Variants in KCNN3 observed in about 807,000 individuals in gnomAD.
KCNN3 encodes potassium calcium-activated channel subfamily N member 3.
In KCNN3, 16 loss-of-function variants were observed where a neutral mutation model predicts 62.9. The observed-to-expected ratio is 0.25, with a 90% CI of 0.17 to 0.39. The LOEUF (loss-of-function observed/expected upper bound fraction) is 0.39, where lower values mean the gene tolerates loss of function less well. KCNN3 is among the 10% of genes least tolerant of loss of function. The pLI is 1.00. For synonymous variants in KCNN3, 370 were observed against 389.2 expected (o/e 0.95, Z 0.58); for missense variants, 599 against 949.4 (o/e 0.63, Z 4.85).
At chr1:154,771,831 C>A (rs2101839087) in intron 3 of KCNN3, 144 bp downstream of exon 3, 3 of 831,574 alleles carry the variant, frequency 3.6e-6, no homozygotes, top group Non-Finnish European at 6.0e-6. Flanking sequence ...ACTCAGCACT[C>A]CCCTCTTTCC....
At chr1:154,773,252 G>C (rs1480565114) in intron 2 of KCNN3, among the ~76,000 whole-genome samples, 1 of 152,166 alleles carries the variant, frequency 6.6e-6, no homozygotes, top group Non-Finnish European at 1.5e-5. Context: ...CTGGACACGT[G>C]GAGTGTTGCG....
At position 154,725,913 on chromosome 1, in the gene KCNN3, T is replaced by C; in HGVS notation, c.1701+3A>G. 6.2e-7 allele frequency: 1 copy of C among 1,611,886 alleles called. No homozygotes were observed. Among genetic ancestry groups the C allele is most frequent in the South Asian group, 1.1e-5 (1 of 91,020 alleles). Reference sequence around the variant, plus strand: ...CATAAGACATGGCTGTGTGGCATCTTACCCGCTTGGTGAGCTGAGTGTCCA... The same window carrying C: ...CATAAGACATGGCTGTGTGGCATCTCACCCGCTTGGTGAGCTGAGTGTCCA... On this transcript the variant is annotated splice_donor_region_variant and intron_variant, in intron 5 of 7. Transcript: ENST00000271915.
chr1:154,843,335 CTCCACAGCTGGT>C (rs994148669), intron 1 of KCNN3, among the ~76,000 whole-genome samples: 6 of 152,166 alleles, frequency 3.9e-5, no homozygotes, highest in Non-Finnish European at 8.8e-5. Flanking sequence ...CTGCCTGGCT[CTCCACAGCTGGT>C]TCCCAGCGTC....
intron 3 of KCNN3, among the ~76,000 whole-genome samples, chr1:154,736,203 A>G (rs1700708879): frequency 6.6e-6 from 1 of 152,220 alleles, no homozygotes; most frequent in African/African-American, 2.4e-5. Context: ...TGGGAGGATT[A>G]AGTAAAATAA....
chr1:154,835,497 G>T (rs1651551579), intron 1 of KCNN3, among the ~76,000 whole-genome samples: 1 of 152,202 alleles, frequency 6.6e-6, no homozygotes, highest in Non-Finnish European at 1.5e-5. Flanking sequence ...ACATCATTCT[G>T]CTGGATCAAA....
chr1:154,861,099 C>T (rs1027904274), intron 1 of KCNN3, among the ~76,000 whole-genome samples: 1 of 151,992 alleles, frequency 6.6e-6, no homozygotes, highest in Non-Finnish European at 1.5e-5. Context: ...GGATAACAGG[C>T]GTGAGCCACC....
chr1:154,697,605 T>G lies in KCNN3; in HGVS notation c.*10371A>C, dbSNP rs1699766169. 1 of 152,162 alleles carries G rather than the reference T, an allele frequency of 6.6e-6. No individual in the cohort carries two copies. 9.4% of individuals were successfully genotyped at this position (152,162 alleles called of 1,614,324 possible). On this transcript the variant is annotated 3_prime_UTR_variant, in exon 8 of 8. Coordinates refer to ENST00000271915, the MANE Select transcript of KCNN3 (RefSeq NM_002249.6). ...GGAAGGCCATAGACTAAGCCCACCTTCAAGGTCACACTTCCATATTTTGCA... is the reference window on the plus strand; with the variant it reads ...GGAAGGCCATAGACTAAGCCCACCTGCAAGGTCACACTTCCATATTTTGCA...
At chr1:154,830,950 T>C (rs1651358045) in intron 1 of KCNN3, among the ~76,000 whole-genome samples, 1 of 152,222 alleles carries the variant, frequency 6.6e-6, no homozygotes, top group South Asian at 2.1e-4. Context: ...GATGGTTTCC[T>C]TTATAAGGTC....
intron 1 of KCNN3, among the ~76,000 whole-genome samples, chr1:154,867,638 G>A (rs1434778376): frequency 6.6e-6 from 1 of 151,932 alleles, no homozygotes; most frequent in Non-Finnish European, 1.5e-5. Context: ...CGCAGCAGCT[G>A]TGCCCTGCCT....
At position 154,701,152 on chromosome 1, in the gene KCNN3, G is replaced by A. The variant is rs547346540; in HGVS notation, c.*6824C>T. The stretch of plus-strand genomic sequence containing the variant: ...CAAACAGCATGAATACCTAATGTCA[G>A]TGAGCCCCATGACTTATATACCTTT... On this transcript the variant is annotated 3_prime_UTR_variant, in exon 8 of 8. Transcript: ENST00000271915. 2 of 152,344 alleles carry A rather than the reference G, an allele frequency of 1.3e-5. No homozygotes were observed. Among genetic ancestry groups the A allele is most frequent in the African/African-American group, 4.8e-5 (2 of 41,570 alleles). The allele number at this position is 152,344 out of a possible 1,614,324, so 9.4% of individuals were successfully genotyped here.
At chr1:154,780,194 C>CTTTTTTT (rs71077969) in intron 2 of KCNN3, among the ~76,000 whole-genome samples, 26 of 102,044 alleles carry the variant, frequency 2.5e-4, no homozygotes, top group African/African-American at 3.5e-4. Context: ...TTCTTTTTTT[C>CTTTTTTT]TTTTTTTTTT....
chr1:154,796,897 T>C (rs758179912), intron 2 of KCNN3, among the ~76,000 whole-genome samples: 1 of 152,214 alleles, frequency 6.6e-6, no homozygotes, highest in African/African-American at 2.4e-5. Context: ...GATAGTAGAA[T>C]GGAAACAAAT....
rs1650316091 is a variant in KCNN3 at position 154,809,591 on chromosome 1, C to T, written c.1029+12498G>A. Among the ~76,000 whole-genome samples, 1 of 152,200 alleles carries T rather than the reference C, an allele frequency of 6.6e-6. No individual in the cohort carries two copies. Among genetic ancestry groups the T allele is most frequent in the African/African-American group, 2.4e-5 (1 of 41,442 alleles). ...CAATGGTTTAGATGAAGCTATTATA[C>T]TCAGGCTCATCACATGTGGGAGGGC... On this transcript the variant is annotated intron_variant, in intron 2 of 7. Transcript: ENST00000271915. The surrounding 1 kb of genome is among the most constrained non-coding windows in gnomAD (Gnocchi z 4.3).
intron 1 of KCNN3, among the ~76,000 whole-genome samples, chr1:154,839,363 C>T (rs1387006285): frequency 6.6e-6 from 1 of 152,168 alleles, no homozygotes; most frequent in African/African-American, 2.4e-5. Flanking sequence ...CCTTTGGAGG[C>T]TCTGGTAATG....
rs1202678402 is a variant in KCNN3 at position 154,735,653 on chromosome 1, G to A, written c.1449-2509C>T. Among the ~76,000 whole-genome samples the A allele has an allele frequency of 2.0e-5, 3 of 152,094 alleles. No homozygotes were observed. In the East Asian group the frequency reaches 5.8e-4, roughly 29 times the overall value. On this transcript the variant is annotated intron_variant, in intron 3 of 7. Transcript: ENST00000271915. ...CAGGATTGCGTCTACCCCTGACCGT[G>A]ACCCAGCGCATCAGCCCCCTCCCAG...
At chr1:154,775,350 C>A (rs1054081058) in intron 2 of KCNN3, among the ~76,000 whole-genome samples, 1 of 152,200 alleles carries the variant, frequency 6.6e-6, no homozygotes, top group East Asian at 1.9e-4. Flanking sequence ...ATTCATGGGC[C>A]CTGAGAGGCA....
intron 3 of KCNN3, among the ~76,000 whole-genome samples, chr1:154,746,561 T>A (rs549605648): frequency 6.6e-6 from 1 of 151,746 alleles, no homozygotes; most frequent in Admixed American, 6.6e-5. Flanking sequence ...CCTTTGCCCC[T>A]CTCTGTTCTT....
chr1:154,769,951 T>A (rs1648472666), intron 3 of KCNN3, among the ~76,000 whole-genome samples: 1 of 152,174 alleles, frequency 6.6e-6, no homozygotes, highest in African/African-American at 2.4e-5. Flanking sequence ...TAACAATAAA[T>A]CCTGTGTCCA....
chr1:154,785,759 C>T (rs917003187), intron 2 of KCNN3, among the ~76,000 whole-genome samples: 3 of 151,504 alleles, frequency 2.0e-5, no homozygotes, highest in Non-Finnish European at 1.5e-5. Context: ...CACCACCACA[C>T]CCGGCTAATT....
Sources: allele counts gnomAD v4.1 joint callset (sites outside exome capture counted in the v4.1 genomes callset), GRCh38; gene constraint gnomAD v4.1.1; non-coding constraint Gnocchi (gnomAD v3.1); transcripts MANE v1.5; gene names NCBI Gene and HGNC (gene_info 2026-07-23, HGNC 2026-07-21).